Variants in SOX6 observed in about 807,000 individuals in gnomAD.
SOX6 encodes the protein transcription factor SOX-6.
A neutral mutation model predicts 97.8 loss-of-function variants in SOX6; 11 were observed. The ratio of observed to expected loss-of-function variants is 0.11; its 90% CI spans 0.07 to 0.19. The LOEUF (loss-of-function observed/expected upper bound fraction) is 0.19, where lower values mean the gene tolerates loss of function less well. Ranked by LOEUF, SOX6 falls within the 10% of genes least tolerant of loss-of-function variation. The pLI, the probability that SOX6 is intolerant of heterozygous loss-of-function variation, is 1.00. For synonymous variants in SOX6, 360 were observed against 371.4 expected, an observed-to-expected ratio of 0.97 and a Z score of 0.35; for missense variants, 810 against 1,039.5, an observed-to-expected ratio of 0.78 and a Z score of 3.04.
intron 3 of SOX6, among the ~76,000 whole-genome samples, chr11:16,251,859 T>A (rs191914681): frequency 6.6e-6 from 1 of 152,242 alleles, no homozygotes; most frequent in Non-Finnish European, 1.5e-5. Context: ...GAGGGTTTAT[T>A]CCAGGAATGC....
intron 1 of SOX6, among the ~76,000 whole-genome samples, chr11:16,459,872 T>A (rs551240731): frequency 6.6e-6 from 1 of 152,026 alleles, no homozygotes; most frequent in African/African-American, 2.4e-5. Context: ...TATACATGTA[T>A]AATATGGAGG....
intron 6 of SOX6, among the ~76,000 whole-genome samples, chr11:16,182,346 A>C (rs1215671855): frequency 6.6e-6 from 1 of 151,794 alleles, no homozygotes; most frequent in Non-Finnish European, 1.5e-5. Context: ...CAAATAGGAG[A>C]AACAGAGAGA....
Position 15,972,642 on chromosome 11 carries a change from C to A in SOX6, c.*167G>T. ...ACAATAACAACAAAAAACTCAAGTT[C>A]ATGAAAAATCAGGGAAAACTTAATC... On this transcript the variant is annotated 3_prime_UTR_variant, in exon 16 of 16. Transcript: ENST00000683767. 1.4e-6 allele frequency: 1 copy of A among 714,024 alleles called. No homozygotes were observed. 44.2% of individuals were successfully genotyped at this position (714,024 alleles called of 1,614,324 possible). A position where few individuals can be genotyped will look rare whatever the true frequency, so the allele number is the denominator to read the frequency against.
At chr11:16,514,928 T>G (rs1022564828) in intron 4 of SOX6, among the ~76,000 whole-genome samples, 3 of 151,892 alleles carry the variant, frequency 2.0e-5, no homozygotes, top group Non-Finnish European at 4.4e-5. Flanking sequence ...CGCCACATTT[T>G]CTTAATCCAG....
intron 9 of SOX6, among the ~76,000 whole-genome samples, chr11:16,065,130 C>T (rs571783347): frequency 2.0e-4 from 31 of 152,100 alleles, no homozygotes; most frequent in African/African-American, 7.2e-4. Flanking sequence ...GAAGACTCCA[C>T]AAAAACCCTA....
At chr11:16,434,440 G>C (rs1859333836) in intron 1 of SOX6, 1 of 152,146 alleles carries the variant, frequency 6.6e-6, no homozygotes, top group Non-Finnish European at 1.5e-5. Context: ...TATGGGGCTT[G>C]CTCTTTCTTT....
At chr11:16,714,394 T>C (rs918888461) in intron 3 of SOX6, among the ~76,000 whole-genome samples, 4 of 151,742 alleles carry the variant, frequency 2.6e-5, no homozygotes, top group African/African-American at 7.2e-5. Context: ...GAGGTTATTA[T>C]AAATACCTTT....
chr11:16,373,353 T>C (rs1857544179), intron 1 of SOX6, among the ~76,000 whole-genome samples: 1 of 152,086 alleles, frequency 6.6e-6, no homozygotes, highest in Non-Finnish European at 1.5e-5. Context: ...AAACGGGTCC[T>C]TCTTCAGTTT....
At chr11:16,352,250 T>TGATGGATGGATGGATGGATG (rs3030887) in intron 1 of SOX6, among the ~76,000 whole-genome samples, 1 of 147,390 alleles carries the variant, frequency 6.8e-6, no homozygotes, top group Non-Finnish European at 1.5e-5. Flanking sequence ...AATGGGCAGA[T>TGATGGATGGATGGATGGATG]GATGGATGGA....
intron 4 of SOX6, among the ~76,000 whole-genome samples, chr11:16,602,905 C>A (rs997070562): frequency 3.7e-4 from 56 of 152,044 alleles, no homozygotes; most frequent in African/African-American, 1.2e-3. Context: ...CCTGTAATCC[C>A]AGTTACTCGG....
intron 6 of SOX6, among the ~76,000 whole-genome samples, chr11:16,172,741 C>T (rs1306360191): frequency 1.3e-5 from 2 of 151,992 alleles, no homozygotes; most frequent in East Asian, 3.9e-4. Flanking sequence ...AATAATCCTT[C>T]TTCAAATATA....
chr11:16,467,771 T>A (rs2133112643), intron 1 of SOX6, among the ~76,000 whole-genome samples: 1 of 152,166 alleles, frequency 6.6e-6, no homozygotes, highest in African/African-American at 2.4e-5. Context: ...CCTGCACATG[T>A]ACCCCTGAAC....
chr11:16,429,217 A>G (rs1290597166), intron 1 of SOX6, among the ~76,000 whole-genome samples: 2 of 152,208 alleles, frequency 1.3e-5, no homozygotes, highest in East Asian at 3.8e-4. Context: ...ATGCTTATAC[A>G]CTGTAGGTGA....
intron 3 of SOX6, among the ~76,000 whole-genome samples, chr11:16,289,482 T>C (rs1228644464): frequency 6.6e-6 from 1 of 152,012 alleles, no homozygotes; most frequent in African/African-American, 2.4e-5. Context: ...ACTTTTATCT[T>C]TCTAATCAAG....
intron 9 of SOX6, among the ~76,000 whole-genome samples, chr11:16,079,032 T>A (rs1848416996): frequency 6.6e-6 from 1 of 152,198 alleles, no homozygotes; most frequent in African/African-American, 2.4e-5. Flanking sequence ...TCTGAGTTTC[T>A]GAGTTTCTAC....
chr11:16,263,872 A>C (rs1373851501), intron 3 of SOX6, among the ~76,000 whole-genome samples: 1 of 151,894 alleles, frequency 6.6e-6, no homozygotes, highest in Non-Finnish European at 1.5e-5. Context: ...TATATTCTCT[A>C]TCTCTCCCTG....
chr11:16,460,681 G>C (rs1859905953), intron 1 of SOX6, among the ~76,000 whole-genome samples: 1 of 152,086 alleles, frequency 6.6e-6, no homozygotes, highest in African/African-American at 2.4e-5. Context: ...GACAAGGACA[G>C]AATGTGGCAA....
At chr11:16,522,836 C>A (rs959268148) in intron 4 of SOX6, among the ~76,000 whole-genome samples, 3 of 152,142 alleles carry the variant, frequency 2.0e-5, no homozygotes, top group Non-Finnish European at 4.4e-5. Flanking sequence ...CAATCCTAGT[C>A]TCTGATAAAC....
chr11:16,390,616 A>G (rs1858144870), intron 1 of SOX6, among the ~76,000 whole-genome samples: 1 of 152,154 alleles, frequency 6.6e-6, no homozygotes, highest in South Asian at 2.1e-4. Context: ...GATCTGTTCA[A>G]TGAAATGTTA....
Sources: gnomAD v4.1 joint callset for allele counts (sites outside exome capture counted in the v4.1 genomes callset) on GRCh38, gnomAD v4.1.1 for gene constraint, MANE v1.5 for transcripts, NCBI Gene and HGNC (gene_info 2026-07-23, HGNC 2026-07-21) for gene names.